The following KCTD17 variants were observed in gnomAD, a reference collection of about 807,000 sequenced individuals.
KCTD17 encodes the protein potassium channel tetramerization domain containing 17.
KCTD17 carries 20 observed loss-of-function variants against 41.5 expected under a neutral mutation model. That is an observed-to-expected ratio of 0.48 (90% CI 0.34 to 0.70). The LOEUF (loss-of-function observed/expected upper bound fraction) is 0.70, where lower values mean the gene tolerates loss of function less well. Ranked by LOEUF, KCTD17 falls within the 30% of genes least tolerant of loss-of-function variation. The pLI is 0.01. For synonymous variants in KCTD17, 156 were observed against 173.8 expected (o/e 0.90, Z 0.80); for missense variants, 317 against 427.2 (o/e 0.74, Z 2.27).
intron 3 of KCTD17, 33 bp downstream of exon 3, chr22:37,056,444 CA>C: frequency 6.4e-7 from 1 of 1,559,428 alleles, no homozygotes; most frequent in Non-Finnish European, 8.8e-7. Context: ...ACGGCCAGGG[CA>C]GGGGCCAGTG....
chr22:37,062,699 T>G lies in KCTD17; in HGVS notation c.*105T>G. On this transcript the variant is annotated 3_prime_UTR_variant, in exon 9 of 9. Transcript: ENST00000403888. ...CACCCGTGGGGCTGTGACTTACTCC[T>G]GCCTCCAGGGGCGGGGCGGGGCCCC... The G allele has an allele frequency of 1.3e-6, 2 of 1,534,274 alleles. No individual in the cohort carries two copies. Among genetic ancestry groups the G allele is most frequent in the Non-Finnish European group, 1.8e-6 (2 of 1,138,646 alleles).
At chr22:37,056,220 G>A (rs914351333) in intron 2 of KCTD17, 100 bp from the exon 3 acceptor site, 3 of 936,182 alleles carry the variant, frequency 3.2e-6, no homozygotes, top group South Asian at 3.3e-5. Context: ...CTCAGGGCGG[G>A]TGATCAGAGC....
In KCTD17 at chr22:37,061,630, G is replaced by A. The variant is rs530167799; in HGVS notation, c.875+1G>A. On this transcript the variant is annotated splice_donor_variant, in intron 8 of 8. Transcript: ENST00000403888. LOFTEE classifies it high-confidence loss of function. This position sits in a 1 kb window ranked among gnomAD's most constrained non-coding sequence, Gnocchi z 6.6. ...CCCGCCCCCAGAGCTGCCATCCCTG[G>A]TTTGTAGCTTGGCGGTGCTGGAGGG... 3.8e-6 allele frequency: 6 copies of A among 1,596,380 alleles called. No individual in the cohort carries two copies. The East Asian group carries it at 1.1e-4, about 30-fold the overall frequency.
chr22:37,056,040 A>G (rs1925064107), intron 2 of KCTD17, among the ~76,000 whole-genome samples: 1 of 152,208 alleles, frequency 6.6e-6, no homozygotes, highest in Admixed American at 6.5e-5. Context: ...GTCTCTTGAT[A>G]GCCCTAAAGC....
chr22:37,053,137 C>T lies in KCTD17; in HGVS notation c.227C>T (p.Thr76Ile). Residue 76 changes from threonine (T) to isoleucine (I), a missense_variant, in exon 2 of 9, where the codon ACC becomes ATC. By Grantham distance (89) the Thr-to-Ile change is moderately conservative (BLOSUM62 -1). Around this residue, in one of 4 missense-constraint regions of KCTD17, gnomAD observed 99 missense variants for 166.5 expected, o/e 0.59. Coordinates refer to ENST00000403888, the MANE Select transcript of KCTD17 (RefSeq NM_001282684.2). The surrounding 1 kb of genome is among the most constrained non-coding windows in gnomAD (Gnocchi z 4.1). ...GCCTACCTCATTGACCGTGACCCCACCTACTTCGGGCCCATCCTGAACTTC... is the reference window on the plus strand; with the variant it reads ...GCCTACCTCATTGACCGTGACCCCATCTACTTCGGGCCCATCCTGAACTTC... ...TGAYLIDRDP[T>I]YFGPILNFLR... 1.2e-6 allele frequency: 2 copies of T among 1,602,508 alleles called. No individual in the cohort carries two copies. Among genetic ancestry groups the T allele is most frequent in the Non-Finnish European group, 1.7e-6 (2 of 1,174,788 alleles).
At chr22:37,055,612 CCCAGATTAACTTAA>C (rs1568982116) in intron 2 of KCTD17, among the ~76,000 whole-genome samples, 1 of 152,174 alleles carries the variant, frequency 6.6e-6, no homozygotes, top group East Asian at 1.9e-4. Flanking sequence ...TTCTTCATCT[CCCAGATTAACTTAA>C]CTGTAAGATG....
Position 37,060,936 on chromosome 22 carries a change from C to G in KCTD17, c.712+14C>G. Reference sequence around the variant, plus strand: ...CACAGGAGAAAGGTGCAGCCAACCCCCAGGAGGATGATTGCTAAGCAAAGC... The same window carrying G: ...CACAGGAGAAAGGTGCAGCCAACCCGCAGGAGGATGATTGCTAAGCAAAGC... On this transcript the variant is annotated intron_variant, in intron 6 of 8. Coordinates refer to ENST00000403888, the MANE Select transcript of KCTD17 (RefSeq NM_001282684.2). The G allele has an allele frequency of 6.5e-7, 1 of 1,537,454 alleles. No individual in the cohort carries two copies. The highest frequency in any genetic ancestry group is 8.8e-7 in the Non-Finnish European group (1 of 1,138,966).
chr22:37,060,253 C>T (rs1925615066), intron 5 of KCTD17, among the ~76,000 whole-genome samples: 1 of 152,216 alleles, frequency 6.6e-6, no homozygotes, highest in Non-Finnish European at 1.5e-5. Context: ...GGCTTCCTGT[C>T]TATCTGTCTG....
intron 3 of KCTD17, 101 bp downstream of exon 3, chr22:37,056,512 C>A: frequency 3.0e-6 from 3 of 984,228 alleles, no homozygotes; most frequent in Admixed American, 4.3e-5. Context: ...AGAGACAGGA[C>A]CAGTGTTTGT....
At chr22:37,054,429 TGGGGGCTAGGAGATCACACAGGGCTATCC>T (rs1568981043) in intron 2 of KCTD17, among the ~76,000 whole-genome samples, 2 of 147,498 alleles carry the variant, frequency 1.4e-5, no homozygotes, top group African/African-American at 5.1e-5. Flanking sequence ...CAGGGCTATC[TGGGGGCTAGGAGATCACACAGGGCTATCC>T]GGAGGCTAGG....
In KCTD17 at chr22:37,061,116, A is replaced by G; in HGVS notation, c.725A>G (p.Gln242Arg). 3 of 1,551,276 alleles carry G rather than the reference A, an allele frequency of 1.9e-6. No individual in the cohort carries two copies. The highest frequency in any genetic ancestry group is 2.6e-6 in the Non-Finnish European group (3 of 1,146,916). Reference sequence around the variant, plus strand: ...TTTCTCTTTGCAGCCCAGTCATCTCAGGATCCCGCTAACCTTTTCTCCCTC... The same window carrying G: ...TTTCTCTTTGCAGCCCAGTCATCTCGGGATCCCGCTAACCTTTTCTCCCTC... Reference protein sequence around the residue: ...ADAQEKAQSSQDPANLFSLPP... With the variant: ...ADAQEKAQSSRDPANLFSLPP... The change falls in exon 7 of 9, where the codon CAG (glutamine) becomes CGG (arginine). Residue 242 changes from glutamine (Q) to arginine (R), a missense_variant. Around this residue, in one of 4 missense-constraint regions of KCTD17, gnomAD observed 177 missense variants for 194.4 expected, o/e 0.91. Transcript: ENST00000403888. The surrounding 1 kb of genome is among the most constrained non-coding windows in gnomAD (Gnocchi z 6.6).
chr22:37,052,531 G>T lies in KCTD17; in HGVS notation c.190-569G>T, dbSNP rs199799512. Reference sequence around the variant, plus strand: ...TTCCTCATCTGTAACACGAAGGGCTGGTCTGAAGATGACCTCTAAGGTCTC... The same window carrying T: ...TTCCTCATCTGTAACACGAAGGGCTTGTCTGAAGATGACCTCTAAGGTCTC... On this transcript the variant is annotated intron_variant, in intron 1 of 8. Transcript: ENST00000403888. 7.0e-5 allele frequency: 33 copies of T among 468,658 alleles called. No individual in the cohort carries two copies. In the East Asian group the frequency reaches 1.8e-3, roughly 26 times the overall value. The allele number at this position is 468,658 out of a possible 1,614,324, so 29.0% of individuals were successfully genotyped here.
intron 1 of KCTD17, chr22:37,052,699 T>G (rs896913593): frequency 4.3e-6 from 2 of 466,372 alleles, no homozygotes; most frequent in African/African-American, 4.0e-5. Flanking sequence ...TAGTGACTCC[T>G]TTGGAAACTT....
Position 37,059,585 on chromosome 22 carries a change from T to C in KCTD17, c.612+147T>C, listed in dbSNP as rs1410521514. The C allele has an allele frequency of 6.4e-6, 6 of 940,282 alleles. No homozygotes were observed. The African/African-American group carries it at 1.0e-4, about 16-fold the overall frequency. 58.2% of individuals were successfully genotyped at this position (940,282 alleles called of 1,614,324 possible). On this transcript the variant is annotated intron_variant, in intron 5 of 8. Transcript: ENST00000403888. ...AACCCCATGCTCACAGCCACCGCCA[T>C]CCATCCCATGCCACCTGCCGTTACC... is the stretch of plus-strand genomic sequence containing the variant.
chr22:37,051,799 G>A lies in KCTD17; in HGVS notation c.39G>A (p.Gly13=), dbSNP rs988467517. ...CCGGGGAGGCAGCGCCGCCGGCGGGGGCGGGCGGCCGCGCCGCAGGCGGCT... is the reference window on the plus strand; with the variant it reads ...CCGGGGAGGCAGCGCCGCCGGCGGGAGCGGGCGGCCGCGCCGCAGGCGGCT... The part of the protein sequence containing the change: ...MEAGEAAPPA[G]AGGRAAGGWG... Residue 13 remains glycine, a synonymous_variant, in exon 1 of 9, where the codon GGG becomes GGA. Coordinates refer to ENST00000403888, the MANE Select transcript of KCTD17 (RefSeq NM_001282684.2). 20 of 1,263,124 alleles carry A rather than the reference G, an allele frequency of 1.6e-5. No homozygotes were observed. The highest frequency in any genetic ancestry group is 3.1e-5 in the African/African-American group (2 of 64,402). 78.2% of individuals were successfully genotyped at this position (1,263,124 alleles called of 1,614,324 possible). A position where few individuals can be genotyped will look rare whatever the true frequency, so the allele number is the denominator to read the frequency against.
At chr22:37,060,744 TTG>T (rs1377226158) in intron 5 of KCTD17, 77 bp from the exon 6 acceptor site, 1 of 1,430,662 alleles carries the variant, frequency 7.0e-7, no homozygotes, top group African/African-American at 1.4e-5. Context: ...GACCGGGTCT[TTG>T]GGGATAGCCA....
In KCTD17 at chr22:37,053,569, G is replaced by T. The variant is rs1157842410; in HGVS notation, c.298+361G>T. On this transcript the variant is annotated intron_variant, in intron 2 of 8. Coordinates refer to ENST00000403888, the MANE Select transcript of KCTD17 (RefSeq NM_001282684.2). The surrounding 1 kb of genome is among the most constrained non-coding windows in gnomAD (Gnocchi z 4.1). ...ATCCGGAGGCTGGGGTGACAGGAAT[G>T]CAGTGTTGACAGGCATGGGGAGAGC... Among the ~76,000 whole-genome samples, 1 of 152,226 alleles carries T rather than the reference G, an allele frequency of 6.6e-6. No homozygotes were observed. Among genetic ancestry groups the T allele is most frequent in the Non-Finnish European group, 1.5e-5 (1 of 68,032 alleles).
intron 5 of KCTD17, 96 bp downstream of exon 5, chr22:37,059,534 CCT>C (rs1474162155): frequency 9.2e-6 from 13 of 1,407,130 alleles, no homozygotes; most frequent in Non-Finnish European, 1.3e-5. Context: ...CATCCCTCCA[CCT>C]CTCTCCCGCC....
intron 2 of KCTD17, among the ~76,000 whole-genome samples, chr22:37,055,599 G>A (rs1298505455): frequency 3.9e-5 from 6 of 152,212 alleles, no homozygotes. Context: ...CTGGTGGGCT[G>A]ACTTCTTCAT....
Sources: gnomAD v4.1 joint callset for allele counts (sites outside exome capture counted in the v4.1 genomes callset) on GRCh38, gnomAD v4.1.1 for gene constraint, gnomAD v4.1.1 regional missense constraint, Gnocchi (gnomAD v3.1) non-coding constraint, MANE v1.5 for transcripts, NCBI Gene and HGNC (gene_info 2026-07-23, HGNC 2026-07-21) for gene names.